EYA4: variants seen among roughly 807,000 people sequenced by gnomAD.
The protein encoded by EYA4 is EYA transcriptional coactivator and phosphatase 4.
A neutral mutation model predicts 87.9 loss-of-function variants in EYA4; 31 were observed. The observed-to-expected ratio is 0.35, with a 90% confidence interval of 0.27 to 0.48. The LOEUF is 0.48. Ranked by LOEUF, EYA4 falls within the 20% of genes least tolerant of loss-of-function variation. The pLI is 0.99. For synonymous variants in EYA4, 263 were observed against 270.6 expected (o/e 0.97, Z 0.28); for missense variants, 678 against 761.4 (o/e 0.89, Z 1.29).
chr6:133,382,864 G>A (rs1164477564), intron 3 of EYA4, among the ~76,000 whole-genome samples: 1 of 148,744 alleles, frequency 6.7e-6, no homozygotes. Context: ...TGAGAATGTT[G>A]TCAAATTAGG....
intron 2 of EYA4, among the ~76,000 whole-genome samples, chr6:133,329,327 T>C (rs115002242): frequency 3.9e-4 from 60 of 152,184 alleles, no homozygotes; most frequent in African/African-American, 1.4e-3. Flanking sequence ...TCCCAGTCCG[T>C]TGAGTAACTA....
chr6:133,408,544 C>T (rs775912691), intron 3 of EYA4, among the ~76,000 whole-genome samples: 4 of 152,124 alleles, frequency 2.6e-5, no homozygotes, highest in African/African-American at 7.2e-5. Flanking sequence ...TGTAGATTCT[C>T]GAGCCAGAAT....
intron 2 of EYA4, among the ~76,000 whole-genome samples, chr6:133,278,872 A>G (rs1000027181): frequency 2.0e-5 from 3 of 152,190 alleles, no homozygotes; most frequent in African/African-American, 7.2e-5. Context: ...ATAGCCAGTT[A>G]CAGCTTATTA....
intron 3 of EYA4, among the ~76,000 whole-genome samples, chr6:133,403,203 A>T (rs1351659985): frequency 6.6e-6 from 1 of 152,268 alleles, no homozygotes; most frequent in African/African-American, 2.4e-5. Context: ...CTAAATTAGA[A>T]TTTATGTGAT....
chr6:133,295,361 A>T (rs1582876918), intron 2 of EYA4, among the ~76,000 whole-genome samples: 1 of 152,214 alleles, frequency 6.6e-6, no homozygotes, highest in African/African-American at 2.4e-5. Flanking sequence ...CCTTACTAGG[A>T]CAACTGTCAT....
At chr6:133,380,069 C>T (rs1161766755) in intron 2 of EYA4, among the ~76,000 whole-genome samples, 2 of 152,162 alleles carry the variant, frequency 1.3e-5, no homozygotes, top group African/African-American at 4.8e-5. Flanking sequence ...TCATTGCCTT[C>T]TCCATCTTCC....
chr6:133,422,946 C>G (rs183251033), intron 3 of EYA4, among the ~76,000 whole-genome samples: 1 of 152,260 alleles, frequency 6.6e-6, no homozygotes, highest in East Asian at 1.9e-4. Flanking sequence ...TTTGTTTTCT[C>G]TCTCTACCCA....
At chr6:133,299,955 CTATATATA>C (rs1016744513) in intron 2 of EYA4, among the ~76,000 whole-genome samples, 12 of 106,208 alleles carry the variant, frequency 1.1e-4, no homozygotes, top group Admixed American at 1.9e-4. Context: ...ATCTATCTAT[CTATATATA>C]TATATATCTT....
upstream of EYA4, among the ~76,000 whole-genome samples, chr6:133,241,008 G>A (rs1459721348): frequency 9.9e-5 from 15 of 151,888 alleles, no homozygotes; most frequent in Non-Finnish European, 4.4e-5. Flanking sequence ...CCCTCAGCCT[G>A]GAGGCTGCAG....
At chr6:133,370,543 T>G (rs1785189242) in intron 2 of EYA4, among the ~76,000 whole-genome samples, 1 of 152,222 alleles carries the variant, frequency 6.6e-6, no homozygotes, top group African/African-American at 2.4e-5. Flanking sequence ...CTTTGTTTAC[T>G]TTATAAAATT....
Position 133,376,373 on chromosome 6 carries a change from C to T in EYA4, c.34-6019C>T, listed in dbSNP as rs377354718. On this transcript the variant is annotated intron_variant, in intron 2 of 19. Transcript: ENST00000355286. Reference sequence around the variant, plus strand: ...CTCGAATTTATAGTTGCTGAATCCACCTTTTGTTTTCAGTGTATAGTATGT... The same window carrying T: ...CTCGAATTTATAGTTGCTGAATCCATCTTTTGTTTTCAGTGTATAGTATGT... Among the ~76,000 whole-genome samples, 171 of 151,844 alleles carry T rather than the reference C, an allele frequency of 1.1e-3. No homozygotes were observed. In the South Asian group the frequency reaches 0.033, roughly 29 times the overall value.
intron 6 of EYA4, among the ~76,000 whole-genome samples, chr6:133,460,736 G>T (rs1367709889): frequency 6.6e-6 from 1 of 151,956 alleles, no homozygotes; most frequent in Admixed American, 6.6e-5. Flanking sequence ...TGTATATATT[G>T]CCATCATATT....
At chr6:133,311,350 G>A (rs1206323424) in intron 2 of EYA4, among the ~76,000 whole-genome samples, 1 of 152,014 alleles carries the variant, frequency 6.6e-6, no homozygotes, top group Non-Finnish European at 1.5e-5. Flanking sequence ...TTTTTAGACA[G>A]GGTCTCATGC....
intron 13 of EYA4, among the ~76,000 whole-genome samples, chr6:133,487,843 G>A (rs1304934560): frequency 6.6e-6 from 1 of 152,170 alleles, no homozygotes; most frequent in Non-Finnish European, 1.5e-5. Flanking sequence ...TTTTACTTGA[G>A]AAAAGGAGAA....
chr6:133,248,089 C>T (rs1429601051), intron 1 of EYA4: 3 of 152,084 alleles, frequency 2.0e-5, no homozygotes, highest in Non-Finnish European at 4.4e-5. Context: ...TCAAAATGTT[C>T]CCTGTGTGTA....
At chr6:133,431,759 G>A (rs1448460523) in intron 3 of EYA4, among the ~76,000 whole-genome samples, 1 of 152,092 alleles carries the variant, frequency 6.6e-6, no homozygotes, top group Admixed American at 6.5e-5. Flanking sequence ...CTGTTGGAGT[G>A]CTTTAAATTT....
intron 14 of EYA4, among the ~76,000 whole-genome samples, chr6:133,510,925 C>T (rs1270833742): frequency 6.6e-6 from 1 of 152,034 alleles, no homozygotes; most frequent in African/African-American, 2.4e-5. Flanking sequence ...TAGATTGTGC[C>T]GTAAGTGGGG....
intron 2 of EYA4, among the ~76,000 whole-genome samples, chr6:133,337,824 C>G (rs756559006): frequency 2.6e-5 from 4 of 151,994 alleles, no homozygotes; most frequent in African/African-American, 7.2e-5. Flanking sequence ...AGAATTTGTT[C>G]AGATATCCAC....
intron 19 of EYA4, chr6:133,525,856 G>A (rs1373539876): frequency 1.0e-5 from 10 of 967,998 alleles, no homozygotes; most frequent in Non-Finnish European, 1.1e-5. Flanking sequence ...CTACTGAAAT[G>A]GGATGTATTG....
Sources: gnomAD v4.1 joint callset for allele counts (sites outside exome capture counted in the v4.1 genomes callset) on GRCh38, gnomAD v4.1.1 for gene constraint, MANE v1.5 for transcripts, NCBI Gene and HGNC (gene_info 2026-07-23, HGNC 2026-07-21) for gene names.